The following CCDC144A variants were observed in gnomAD, a reference collection of about 807,000 sequenced individuals.
CCDC144A encodes coiled-coil domain containing 144A, also known as coiled-coil domain-containing protein 144A.
In CCDC144A, 41 loss-of-function variants were observed where a neutral mutation model predicts 143.8. That is an observed-to-expected ratio of 0.29 (90% CI 0.22 to 0.37). The LOEUF (loss-of-function observed/expected upper bound fraction) is 0.37. CCDC144A is among the 10% of genes least tolerant of loss of function. CCDC144A has a pLI of 1.00. For synonymous variants in CCDC144A, 242 were observed against 517.9 expected, an observed-to-expected ratio of 0.47 and a Z score of 7.23; for missense variants, 637 against 1,488.8, an observed-to-expected ratio of 0.43 and a Z score of 9.41.
chr17:16,682,207 GT>G, the CCDC144A span, among the ~76,000 whole-genome samples: 1 of 104,714 alleles, frequency 9.5e-6, no homozygotes, highest in African/African-American at 5.3e-5. Context: ...AAATGGGTGT[GT>G]GTGTGTGTGT....
intron 12 of CCDC144A, chr17:16,737,577 C>T (rs2143261802): frequency 7.7e-7 from 1 of 1,298,308 alleles, no homozygotes; most frequent in Non-Finnish European, 1.0e-6. Context: ...GACCGATCTC[C>T]TAAAACAACA....
intron 2 of CCDC144A, among the ~76,000 whole-genome samples, chr17:16,696,278 T>A (rs1363474780): frequency 6.6e-6 from 1 of 151,058 alleles, no homozygotes; most frequent in Non-Finnish European, 1.5e-5. Context: ...GCCTCTCAAG[T>A]GCTGGGATTA....
In CCDC144A at chr17:16,732,525, A is replaced by T. The variant is rs773318647; in HGVS notation, c.2290-13A>T. On this transcript the variant is annotated splice_polypyrimidine_tract_variant and intron_variant, in intron 10 of 16. Coordinates refer to ENST00000399273, the MANE Select transcript of CCDC144A (RefSeq NM_001382000.1). ...TCAGTGCTATTAGACCAAAACCTCC[A>T]TGTTATCTCTAGGTTGTGCAGGAGA... 6.2e-7 allele frequency: 1 copy of T among 1,603,888 alleles called. No homozygotes were observed. The highest frequency in any genetic ancestry group is 1.3e-5 in the African/African-American group (1 of 74,144).
chr17:16,699,046 A>G (rs1911571481), intron 2 of CCDC144A, among the ~76,000 whole-genome samples: 1 of 152,102 alleles, frequency 6.6e-6, no homozygotes, highest in Non-Finnish European at 1.5e-5. Flanking sequence ...TTCCATTCCT[A>G]AAGAAAATAC....
At chr17:16,758,391 T>G (rs1336743562) in intron 12 of CCDC144A, among the ~76,000 whole-genome samples, 3 of 152,242 alleles carry the variant, frequency 2.0e-5, no homozygotes, top group Non-Finnish European at 4.4e-5. Context: ...ACGGTAGGGA[T>G]GCACCCTGGG....
At chr17:16,758,134 T>G (rs1029321500) in intron 12 of CCDC144A, among the ~76,000 whole-genome samples, 3 of 152,264 alleles carry the variant, frequency 2.0e-5, no homozygotes, top group African/African-American at 7.2e-5. Flanking sequence ...TATTAAGGAA[T>G]GTATAGACGT....
intron 8 of CCDC144A, among the ~76,000 whole-genome samples, chr17:16,726,795 T>C (rs1913453320): frequency 6.6e-6 from 1 of 150,940 alleles, no homozygotes; most frequent in South Asian, 2.1e-4. Context: ...TCCTTTCCGG[T>C]GTTCTGTTTC....
At chr17:16,746,444 T>A (rs1255969790) in intron 12 of CCDC144A, 9 of 1,611,434 alleles carry the variant, frequency 5.6e-6, no homozygotes, top group Non-Finnish European at 6.8e-6. Context: ...AGCAATGAGC[T>A]CTCTTGTCTT....
At chr17:16,684,416 G>A in the CCDC144A span, among the ~76,000 whole-genome samples, 4 of 152,152 alleles carry the variant, frequency 2.6e-5, no homozygotes, top group African/African-American at 9.7e-5. Flanking sequence ...AGCACTTTGG[G>A]AGGCTGAGGT....
chr17:16,722,018 G>A (rs530311396), intron 8 of CCDC144A, among the ~76,000 whole-genome samples: 51 of 152,234 alleles, frequency 3.4e-4, no homozygotes, highest in East Asian at 2.3e-3. Flanking sequence ...TATTGTTCCC[G>A]ATCTTACAGG....
the CCDC144A span, among the ~76,000 whole-genome samples, chr17:16,674,827 G>C: frequency 6.6e-6 from 1 of 152,120 alleles, no homozygotes; most frequent in East Asian, 1.9e-4. Context: ...ATTATGAGTT[G>C]AGAATAGGAA....
intron 8 of CCDC144A, among the ~76,000 whole-genome samples, chr17:16,726,629 C>T (rs1913442706): frequency 1.3e-5 from 2 of 152,108 alleles, no homozygotes; most frequent in Admixed American, 6.5e-5. Flanking sequence ...TTTGGCACAT[C>T]GTGAACACCA....
In CCDC144A at chr17:16,729,305, C is replaced by G. The variant is rs139627040; in HGVS notation, c.2105+1565C>G. On this transcript the variant is annotated intron_variant, in intron 9 of 16. Coordinates refer to ENST00000399273, the MANE Select transcript of CCDC144A (RefSeq NM_001382000.1). ...TGCTGGCTGGAGTAAGGTGATATCT[C>G]CTTGTTGTTTTAGTTTGTATTTCCG... 3.8e-3 allele frequency among the ~76,000 whole-genome samples: 584 copies of G among 152,190 alleles called. 6 individuals carry two copies. The highest frequency in any genetic ancestry group is 0.013 in the African/African-American group (556 of 41,538).
chr17:16,700,226 TCTC>T (rs1911656191), intron 2 of CCDC144A, among the ~76,000 whole-genome samples: 1 of 152,186 alleles, frequency 6.6e-6, no homozygotes, highest in African/African-American at 2.4e-5. Flanking sequence ...ACAGGAGTCA[TCTC>T]CTGTGTAGCT....
chr17:16,687,791 G>A (rs115063295), upstream of CCDC144A, among the ~76,000 whole-genome samples: 1,935 of 152,174 alleles, frequency 0.013, 44 homozygotes, highest in African/African-American at 0.044. Flanking sequence ...CTTTTTAGAA[G>A]CATTTTGAAT....
chr17:16,769,093 T>C (rs113939896), intron 15 of CCDC144A, among the ~76,000 whole-genome samples: 20,543 of 143,918 alleles, frequency 0.14, 2,055 homozygotes, highest in African/African-American at 0.33. Flanking sequence ...TAGGCACTAA[T>C]CCACAGAGTT....
intron 2 of CCDC144A, among the ~76,000 whole-genome samples, chr17:16,699,156 A>G (rs1911577030): frequency 1.3e-5 from 2 of 151,550 alleles, no homozygotes; most frequent in South Asian, 2.1e-4. Flanking sequence ...GTTGTCAAAT[A>G]CAAATTGTTT....
intron 2 of CCDC144A, among the ~76,000 whole-genome samples, chr17:16,697,551 T>A (rs1911487030): frequency 6.6e-6 from 1 of 152,384 alleles, no homozygotes; most frequent in African/African-American, 2.4e-5. Context: ...CTAGTGTCAG[T>A]CTGTTGTGAG....
intron 2 of CCDC144A, among the ~76,000 whole-genome samples, chr17:16,702,994 ATG>A (rs775272683): frequency 1.3e-5 from 2 of 152,102 alleles, no homozygotes; most frequent in African/African-American, 2.4e-5. Context: ...TCAGCAAATC[ATG>A]TGTGTGTGTG....
Sources: gnomAD v4.1 joint callset for allele counts (sites outside exome capture counted in the v4.1 genomes callset) on GRCh38, gnomAD v4.1.1 for gene constraint, MANE v1.5 for transcripts, NCBI Gene and HGNC (gene_info 2026-07-23, HGNC 2026-07-21) for gene names.